NRXN1: variants seen among roughly 807,000 people sequenced by gnomAD.
The protein encoded by NRXN1 is neurexin-1.
NRXN1 carries 39 observed loss-of-function variants against 150.9 expected under a neutral mutation model. The observed-to-expected ratio is 0.26, with a 90% CI of 0.20 to 0.34. NRXN1 has a LOEUF of 0.34. Ranked by LOEUF, NRXN1 falls within the 10% of genes least tolerant of loss-of-function variation. The pLI is 1.00. For synonymous variants in NRXN1, 924 were observed against 757.0 expected, an observed-to-expected ratio of 1.22 and a Z score of -3.62; for missense variants, 1,815 against 1,949.9, an observed-to-expected ratio of 0.93 and a Z score of 1.30.
intron 5 of NRXN1, among the ~76,000 whole-genome samples, chr2:50,819,113 T>C (rs747621626): frequency 3.3e-5 from 5 of 152,164 alleles, no homozygotes; most frequent in African/African-American, 7.2e-5. Context: ...TGAAACAGTA[T>C]GGAGGTTCCT....
chr2:50,059,150 T>C (rs575938493), intron 19 of NRXN1, among the ~76,000 whole-genome samples: 1 of 152,242 alleles, frequency 6.6e-6, no homozygotes, highest in East Asian at 1.9e-4. Context: ...TTGAATGATG[T>C]TGACCAAAAA....
At chr2:50,976,820 C>T (rs533234062) in intron 2 of NRXN1, among the ~76,000 whole-genome samples, 3 of 151,970 alleles carry the variant, frequency 2.0e-5, no homozygotes, top group South Asian at 4.2e-4. Context: ...AATAACATTC[C>T]AAATGTCCTC....
intron 18 of NRXN1, among the ~76,000 whole-genome samples, chr2:50,229,333 G>T (rs1914522): frequency 0.096 from 14,405 of 150,124 alleles, 870 homozygotes; most frequent in Middle Eastern, 0.21. Flanking sequence ...TTTTTTTTGT[G>T]TGTGTGTGTG....
At chr2:50,530,222 T>C (rs1430230613) in intron 11 of NRXN1, among the ~76,000 whole-genome samples, 1 of 152,166 alleles carries the variant, frequency 6.6e-6, no homozygotes, top group African/African-American at 2.4e-5. Flanking sequence ...TCCTTTGATA[T>C]GAGCAAAGAT....
intron 5 of NRXN1, among the ~76,000 whole-genome samples, chr2:50,861,847 TAA>T (rs1464951068): frequency 1.3e-5 from 2 of 152,078 alleles, no homozygotes; most frequent in African/African-American, 4.8e-5. Context: ...CTAGCAGTTA[TAA>T]GTGTATTAAT....
chr2:49,987,635 C>A (rs1371245390), intron 21 of NRXN1, among the ~76,000 whole-genome samples: 2 of 151,924 alleles, frequency 1.3e-5, no homozygotes, highest in African/African-American at 4.8e-5. Context: ...CCTTTAATGA[C>A]CTTTAAAATA....
intron 2 of NRXN1, among the ~76,000 whole-genome samples, chr2:50,945,853 A>G (rs1184015061): frequency 6.7e-6 from 1 of 148,600 alleles, no homozygotes; most frequent in Non-Finnish European, 1.5e-5. Context: ...TGACTCCAAA[A>G]TATGAAAGTA....
chr2:50,472,900 C>CCAGAGGGTTT (rs1336099071), intron 15 of NRXN1, among the ~76,000 whole-genome samples: 1 of 150,500 alleles, frequency 6.6e-6, no homozygotes, highest in East Asian at 2.0e-4. Context: ...AAAACCTATG[C>CCAGAGGGTTT]CAGAGGGTTT....
intron 5 of NRXN1, among the ~76,000 whole-genome samples, chr2:50,824,881 C>T (rs1670234112): frequency 6.6e-6 from 1 of 152,128 alleles, no homozygotes; most frequent in Non-Finnish European, 1.5e-5. Context: ...AAAATTGCAT[C>T]AAGCTAACTG....
chr2:50,795,481 CCTT>C (rs1706687554), intron 5 of NRXN1, among the ~76,000 whole-genome samples: 1 of 152,040 alleles, frequency 6.6e-6, no homozygotes, highest in Admixed American at 6.6e-5. Flanking sequence ...CATTTTCTTT[CCTT>C]CTTTTCTTGC....
chr2:50,150,059 G>A (rs1348698481), intron 18 of NRXN1, among the ~76,000 whole-genome samples: 2 of 151,500 alleles, frequency 1.3e-5, no homozygotes, highest in East Asian at 1.9e-4. Flanking sequence ...TTCTATTAGT[G>A]AATTTCTCCA....
At position 50,251,024 on chromosome 2, in the gene NRXN1, T is replaced by G. The variant is rs561518343; in HGVS notation, c.3365-14054A>C. On this transcript the variant is annotated intron_variant, in intron 17 of 22. Transcript: ENST00000401669. ...ATTGCATATGTGTAATATTACATAT[T>G]GTATATGTAATAAATTTATTACATG... Among the ~76,000 whole-genome samples, 33 of 137,584 alleles carry G rather than the reference T, an allele frequency of 2.4e-4. 1 individual carries two copies. The highest frequency in any genetic ancestry group is 4.4e-4 in the Admixed American group (6 of 13,676). The allele number at this position is 137,584 out of a possible 152,430, so 90.3% of individuals were successfully genotyped here. A position where few individuals can be genotyped will look rare whatever the true frequency, so the allele number is the denominator to read the frequency against.
intron 17 of NRXN1, among the ~76,000 whole-genome samples, chr2:50,332,445 T>C (rs576300636): frequency 6.6e-6 from 1 of 152,340 alleles, no homozygotes; most frequent in African/African-American, 2.4e-5. Context: ...ACAGACTGGA[T>C]GTATCTTAAC....
chr2:50,820,270 T>C (rs1263082724), intron 5 of NRXN1, among the ~76,000 whole-genome samples: 1 of 152,132 alleles, frequency 6.6e-6, no homozygotes, highest in African/African-American at 2.4e-5. Flanking sequence ...GTGTCTATCT[T>C]TATTCTCTTT....
chr2:50,334,916 T>A (rs2077082056), intron 17 of NRXN1, among the ~76,000 whole-genome samples: 1 of 152,210 alleles, frequency 6.6e-6, no homozygotes, highest in African/African-American at 2.4e-5. Context: ...TTGCTTTGAC[T>A]GAACTACTCT....
At chr2:50,018,434 G>T (rs1363062420) in intron 21 of NRXN1, among the ~76,000 whole-genome samples, 4 of 152,192 alleles carry the variant, frequency 2.6e-5, no homozygotes, top group Middle Eastern at 6.8e-3. Flanking sequence ...AGTAAAAAGG[G>T]TCATGAAAAT....
chr2:50,512,221 G>C (rs946327287), intron 12 of NRXN1, among the ~76,000 whole-genome samples: 4 of 152,056 alleles, frequency 2.6e-5, no homozygotes, highest in Non-Finnish European at 5.9e-5. Flanking sequence ...TATTATTACT[G>C]TTACTAATTT....
Position 50,749,714 on chromosome 2 carries a change from A to G in NRXN1, c.833-126099T>C, listed in dbSNP as rs3850329. On this transcript the variant is annotated intron_variant, in intron 5 of 22. Coordinates refer to ENST00000401669, the MANE Select transcript of NRXN1 (RefSeq NM_001330078.2). Reference sequence around the variant, plus strand: ...AATTAACTTGCAATTTGGAAGAATTAGTAGGCAGAATTATAATATTTAAGA... The same window carrying G: ...AATTAACTTGCAATTTGGAAGAATTGGTAGGCAGAATTATAATATTTAAGA... Among the ~76,000 whole-genome samples, 322 of 152,246 alleles carry G rather than the reference A, an allele frequency of 2.1e-3. 5 individuals are homozygous for G. In the East Asian group the frequency reaches 0.057, roughly 27 times the overall value.
At chr2:50,164,082 T>A (rs191607602) in intron 18 of NRXN1, among the ~76,000 whole-genome samples, 1 of 152,214 alleles carries the variant, frequency 6.6e-6, no homozygotes, top group African/African-American at 2.4e-5. Context: ...TAGTAACTTG[T>A]GATTTATGTA....
Sources: allele counts gnomAD v4.1 joint callset (sites outside exome capture counted in the v4.1 genomes callset), GRCh38; gene constraint gnomAD v4.1.1; transcripts MANE v1.5; gene names NCBI Gene and HGNC (gene_info 2026-07-23, HGNC 2026-07-21).